Variants in COL14A1 observed in about 807,000 individuals in gnomAD.
The protein encoded by COL14A1 is collagen alpha-1(XIV) chain.
Under a neutral mutation model 230.3 loss-of-function variants are expected in COL14A1, and 136 were observed. The observed-to-expected ratio is 0.59, with a 90% CI of 0.51 to 0.68. The LOEUF (loss-of-function observed/expected upper bound fraction) is 0.68, where lower values mean the gene tolerates loss of function less well. Among genes scored for constraint, COL14A1 ranks in the 30% least tolerant of loss-of-function variants. COL14A1 has a pLI of 0.00. For missense variants in COL14A1, 1,976 were observed against 2,215.8 expected, an observed-to-expected ratio of 0.89 and a Z score of 2.17; for synonymous variants, 792 against 784.1, an observed-to-expected ratio of 1.01 and a Z score of -0.17.
chr8:120,303,871 G>C (rs1441251861), intron 36 of COL14A1, among the ~76,000 whole-genome samples: 4 of 151,884 alleles, frequency 2.6e-5, no homozygotes, highest in Admixed American at 6.6e-5. Context: ...CTGGCCCTGG[G>C]CTTTTTTTTT....
chr8:120,373,021 A>G lies in COL14A1; in HGVS notation c.*1790A>G, dbSNP rs1241375543. Among the ~76,000 whole-genome samples, 1 of 152,116 alleles carries G rather than the reference A, an allele frequency of 6.6e-6. No homozygotes were observed. Among genetic ancestry groups the G allele is most frequent in the East Asian group, 1.9e-4 (1 of 5,184 alleles). On this transcript the variant is annotated 3_prime_UTR_variant, in exon 48 of 48. Coordinates refer to ENST00000297848, the MANE Select transcript of COL14A1 (RefSeq NM_021110.4). ...GGCCTGACCCAGAGTCACCTAAGAG[A>G]ACTCTTCCAACTTAAATGACTAGGG...
chr8:120,269,884 A>G, intron 25 of COL14A1, 151 bp from the exon 26 acceptor site: 1 of 699,748 alleles, frequency 1.4e-6, no homozygotes, highest in South Asian at 2.3e-5. Flanking sequence ...CATAGTGAGC[A>G]GGAGTTTGGA....
rs1329349250 is a variant in COL14A1, at chr8:120,166,898, G to GTGTGTGTGTGTGTGTGTGTGTGTT, written c.350-1240_350-1239insTTGTGTGTGTGTGTGTGTGTGTGT. ...TAAGTGTGTGTGTGTGTGTGTGTGT[G>GTGTGTGTGTGTGTGTGTGTGTGTT]TGTGTGTGTGTGTGTGTGTGTGTGG... On this transcript the variant is annotated intron_variant, in intron 4 of 47. Coordinates refer to ENST00000297848, the MANE Select transcript of COL14A1 (RefSeq NM_021110.4). 3.6e-4 allele frequency among the ~76,000 whole-genome samples: 54 copies of GTGTGTGTGTGTGTGTGTGTGTGTT among 149,426 alleles called. 2 individuals carry two copies. The highest frequency in any genetic ancestry group is 3.0e-5 in the Non-Finnish European group (2 of 67,382).
In COL14A1 at chr8:120,262,891, G is replaced by T. The variant is rs1225191481; in HGVS notation, c.2893G>T (p.Val965Leu). 1.2e-6 allele frequency: 2 copies of T among 1,612,100 alleles called. No individual in the cohort carries two copies. Among genetic ancestry groups the T allele is most frequent in the Non-Finnish European group, 1.7e-6 (2 of 1,179,436 alleles). Reference protein sequence around the residue: ...LQDRQKQESTVGGGTTRHCFY... With the variant: ...LQDRQKQESTLGGGTTRHCFY... ...AGATAGGCAAAAGCAAGAATCCACT[G>T]TGGGTGGAGGGACAACCAGGCATTG... The change falls in exon 24 of 48, where the codon GTG (valine) becomes TTG (leucine). Residue 965 changes from valine to leucine, a missense_variant. Physicochemically the swap from Val to Leu is conservative, Grantham distance 32 (BLOSUM62 1). This residue lies in a region of COL14A1 where 1,791 missense variants were observed against 2,019.5 expected (regional missense o/e 0.89). Coordinates refer to ENST00000297848, the MANE Select transcript of COL14A1 (RefSeq NM_021110.4).
chr8:120,168,065 T>C (rs2130578898), intron 4 of COL14A1, 96 bp from the exon 5 acceptor site: 1 of 751,600 alleles, frequency 1.3e-6, no homozygotes, highest in Non-Finnish European at 2.1e-6. Flanking sequence ...TTTCTATAGA[T>C]ACTTTTAGGG....
At chr8:120,233,287 C>T (rs1178182738) in intron 19 of COL14A1, among the ~76,000 whole-genome samples, 2 of 152,130 alleles carry the variant, frequency 1.3e-5, no homozygotes, top group Non-Finnish European at 2.9e-5. Flanking sequence ...TCCCATTTGT[C>T]TATTTTGGCT....
rs1423251338 is a variant in COL14A1 at position 120,224,850 on chromosome 8, TTG to T, written c.1738-234_1738-233del. Among the ~76,000 whole-genome samples the T allele has an allele frequency of 1.3e-5, 2 of 152,190 alleles. 1 individual carries two copies. Among genetic ancestry groups the T allele is most frequent in the South Asian group, 4.1e-4 (2 of 4,830 alleles). On this transcript the variant is annotated intron_variant, in intron 14 of 47. Transcript: ENST00000297848. ...GTCTGCCTCTTAAGTTGTCTGCACT[TTG>T]TGTCTGGAATGAATGGAAAGAATAT...
At chr8:120,358,689 T>TA (rs1370198885) in intron 45 of COL14A1, among the ~76,000 whole-genome samples, 1 of 151,830 alleles carries the variant, frequency 6.6e-6, no homozygotes, top group Non-Finnish European at 1.5e-5. Context: ...ACTCCTTTTT[T>TA]AAAAATGTAG....
intron 20 of COL14A1, among the ~76,000 whole-genome samples, chr8:120,244,708 A>G (rs925611494): frequency 6.6e-6 from 1 of 152,128 alleles, no homozygotes; most frequent in Non-Finnish European, 1.5e-5. Flanking sequence ...TGCAAATGCC[A>G]TTAATTCATT....
chr8:120,303,163 G>T (rs7341686), intron 36 of COL14A1, among the ~76,000 whole-genome samples: 14 of 152,020 alleles, frequency 9.2e-5, no homozygotes, highest in Non-Finnish European at 1.9e-4. Flanking sequence ...TTTTCTACAT[G>T]TAGAATCATG....
chr8:120,172,972 A>T (rs1042835313), intron 5 of COL14A1, among the ~76,000 whole-genome samples: 2 of 152,212 alleles, frequency 1.3e-5, no homozygotes, highest in African/African-American at 4.8e-5. Flanking sequence ...TTATGATGAG[A>T]TATTTTGAGA....
At chr8:120,239,847 G>C (rs55711821) in intron 19 of COL14A1, among the ~76,000 whole-genome samples, 2,720 of 149,356 alleles carry the variant, frequency 0.018, 69 homozygotes, top group African/African-American at 0.06. Context: ...TTTTTTGTTT[G>C]TTTGCTTTTT....
Position 120,125,274 on chromosome 8 carries a change from G to A in COL14A1, c.-104G>A, listed in dbSNP as rs1425558449. ...GGTGCGCCGCCAAGGACCAACTAGC[G>A]GCGGAGCTTCGATCTTGCCTAGGCG... On this transcript the variant is annotated 5_prime_UTR_variant, in exon 1 of 48. Transcript: ENST00000297848. 2.0e-5 allele frequency: 3 copies of A among 152,382 alleles called. No individual in the cohort carries two copies. Among genetic ancestry groups the A allele is most frequent in the Admixed American group, 1.3e-4 (2 of 15,288 alleles). The allele number at this position is 152,382 out of a possible 1,614,324, so 9.4% of individuals were successfully genotyped here. A position where few individuals can be genotyped will look rare whatever the true frequency, so the allele number is the denominator to read the frequency against.
intron 1 of COL14A1, among the ~76,000 whole-genome samples, chr8:120,147,115 C>A (rs975405025): frequency 6.6e-6 from 1 of 151,476 alleles, no homozygotes. Context: ...ATTATAGATA[C>A]GTAATAATTA....
chr8:120,207,861 C>T (rs779821999), intron 10 of COL14A1, among the ~76,000 whole-genome samples: 74 of 151,110 alleles, frequency 4.9e-4, no homozygotes, highest in Admixed American at 9.9e-4. Flanking sequence ...AAAAAAGATC[C>T]GAGTGCTTCC....
At chr8:120,189,417 T>C (rs1816744935) in intron 5 of COL14A1, among the ~76,000 whole-genome samples, 1 of 152,132 alleles carries the variant, frequency 6.6e-6, no homozygotes, top group East Asian at 1.9e-4. Flanking sequence ...GGATTTTGAC[T>C]TTTGAAATTG....
chr8:120,226,588 T>C (rs1233706039), intron 15 of COL14A1, 39 bp from the exon 16 acceptor site: 4 of 1,608,920 alleles, frequency 2.5e-6, no homozygotes, highest in African/African-American at 2.7e-5. Context: ...TTTCTTGCCT[T>C]CTCATTTCCC....
chr8:120,138,429 C>T (rs1178462153), intron 1 of COL14A1, among the ~76,000 whole-genome samples: 2 of 152,152 alleles, frequency 1.3e-5, no homozygotes, highest in Non-Finnish European at 2.9e-5. Flanking sequence ...CATTTCCCTT[C>T]TCAATATCTA....
intron 45 of COL14A1, among the ~76,000 whole-genome samples, chr8:120,356,534 G>A (rs1195359402): frequency 6.6e-6 from 1 of 152,154 alleles, no homozygotes; most frequent in Non-Finnish European, 1.5e-5. Context: ...ATGACATGGT[G>A]GTAAACAGGG....
Sources: gnomAD v4.1 joint callset for allele counts (sites outside exome capture counted in the v4.1 genomes callset) on GRCh38, gnomAD v4.1.1 for gene constraint, gnomAD v4.1.1 regional missense constraint, MANE v1.5 for transcripts, NCBI Gene and HGNC (gene_info 2026-07-23, HGNC 2026-07-21) for gene names.